CORIN: variants seen among roughly 807,000 people sequenced by gnomAD.
The protein encoded by CORIN is corin, serine peptidase, also known as atrial natriuretic peptide-converting enzyme.
CORIN carries 117 observed loss-of-function variants against 125.3 expected under a neutral mutation model. That is an observed-to-expected ratio of 0.93 (90% CI 0.80 to 1.09). The LOEUF (loss-of-function observed/expected upper bound fraction) is 1.09. Among genes scored for constraint, CORIN ranks in the 50% least tolerant of loss-of-function variants. The pLI, the probability that CORIN is intolerant of heterozygous loss-of-function variation, is 0.00. For synonymous variants in CORIN, 450 were observed against 466.4 expected, an observed-to-expected ratio of 0.96 and a Z score of 0.45; for missense variants, 1,253 against 1,306.7, an observed-to-expected ratio of 0.96 and a Z score of 0.63.
At chr4:47,793,427 T>G (rs1208185720) in intron 2 of CORIN, among the ~76,000 whole-genome samples, 5 of 152,200 alleles carry the variant, frequency 3.3e-5, no homozygotes, top group Admixed American at 3.3e-4. Context: ...AATGGACAGT[T>G]AAAGAAAGGT....
At chr4:47,642,118 C>T (rs542026992) in intron 15 of CORIN, 69 bp from the exon 16 acceptor site, 1 of 1,506,556 alleles carries the variant, frequency 6.6e-7, no homozygotes, top group African/African-American at 1.4e-5. Context: ...CATAACTTTA[C>T]ATGCCTCTGC....
intron 12 of CORIN, among the ~76,000 whole-genome samples, chr4:47,661,181 G>A (rs181307419): frequency 6.6e-5 from 10 of 152,274 alleles, no homozygotes; most frequent in Non-Finnish European, 8.8e-5. Flanking sequence ...CAGTGTCTGC[G>A]AAGGGTAGTG....
chr4:47,793,502 A>G (rs1330611962), intron 2 of CORIN, among the ~76,000 whole-genome samples: 1 of 152,176 alleles, frequency 6.6e-6, no homozygotes, highest in African/African-American at 2.4e-5. Flanking sequence ...TGACAATATG[A>G]AGGCATAGTT....
chr4:47,769,029 C>T (rs147226766), intron 3 of CORIN, among the ~76,000 whole-genome samples: 6 of 152,184 alleles, frequency 3.9e-5, no homozygotes, highest in African/African-American at 9.6e-5. Context: ...AGAAGTTAAA[C>T]GGTCTCTGTT....
In CORIN at chr4:47,603,523, C is replaced by T. The variant is rs542142640; in HGVS notation, c.2686G>A (p.Val896Ile). The T allele has an allele frequency of 1.4e-5, 22 of 1,614,056 alleles. No homozygotes were observed. Among genetic ancestry groups the T allele is most frequent in the Admixed American group, 8.3e-5 (5 of 60,006 alleles). Residue 896 changes from valine (V) to isoleucine (I), a missense_variant, in exon 20 of 22, where the codon GTT becomes ATT. Coordinates refer to ENST00000273857, the MANE Select transcript of CORIN (RefSeq NM_006587.4). ...TCACTGATGTCTTCACTCAGCTCAA[C>T]GATGCTGATGTCATAGTCCACCACT... ...RAVVDYDISI[V>I]ELSEDISETG...
rs772437145 is a variant in CORIN, at chr4:47,837,897, G to C, written c.53C>G (p.Ser18Cys). The change falls in exon 1 of 22, where the codon TCC becomes TGC. Residue 18 changes from serine (S) to cysteine (C), a missense_variant. By Grantham distance (112) the Ser-to-Cys change is moderately radical. Coordinates refer to ENST00000273857, the MANE Select transcript of CORIN (RefSeq NM_006587.4). ...APEERCRRAG[S>C]PKPVLRADDN... ...AATCATCGATCTTACCGGCTTTGGGGACCCGGCTCTGCGGCAGCGCTCTTC... is the reference window on the plus strand; with the variant it reads ...AATCATCGATCTTACCGGCTTTGGGCACCCGGCTCTGCGGCAGCGCTCTTC... The C allele has an allele frequency of 2.0e-5, 33 of 1,613,566 alleles. No individual in the cohort carries two copies. Among genetic ancestry groups the C allele is most frequent in the Non-Finnish European group, 2.6e-5 (31 of 1,179,930 alleles).
intron 9 of CORIN, 64 bp from the exon 10 acceptor site, chr4:47,674,564 A>G: frequency 1.0e-6 from 1 of 958,844 alleles, no homozygotes; most frequent in Non-Finnish European, 1.7e-6. Flanking sequence ...TAAGGATCTA[A>G]AAGATCAGGA....
At chr4:47,658,916 G>T (rs1165043149) in intron 12 of CORIN, among the ~76,000 whole-genome samples, 2 of 152,054 alleles carry the variant, frequency 1.3e-5, no homozygotes, top group African/African-American at 2.4e-5. Context: ...TTATTTCTTT[G>T]CTCCTGTATC....
intron 3 of CORIN, among the ~76,000 whole-genome samples, chr4:47,769,497 T>C (rs1729921021): frequency 6.6e-6 from 1 of 151,906 alleles, no homozygotes; most frequent in South Asian, 2.1e-4. Context: ...ATAATTCTAA[T>C]AACATTTTTC....
chr4:47,788,528 G>T (rs970113472), intron 2 of CORIN, among the ~76,000 whole-genome samples: 1 of 152,138 alleles, frequency 6.6e-6, no homozygotes, highest in Non-Finnish European at 1.5e-5. Flanking sequence ...TCATTTAATT[G>T]TTATTGATTT....
chr4:47,654,380 C>T (rs957743931), intron 12 of CORIN, among the ~76,000 whole-genome samples: 1 of 152,196 alleles, frequency 6.6e-6, no homozygotes, highest in East Asian at 1.9e-4. Context: ...TATAAGCAAT[C>T]ATAGTACCTG....
chr4:47,821,234 CA>C (rs549766726), intron 1 of CORIN, among the ~76,000 whole-genome samples: 4 of 141,702 alleles, frequency 2.8e-5, no homozygotes, highest in Non-Finnish European at 3.1e-5. Context: ...GACCCCATCT[CA>C]AAAAAAAAAC....
intron 1 of CORIN, among the ~76,000 whole-genome samples, chr4:47,830,250 G>A (rs1219082177): frequency 3.3e-5 from 5 of 151,884 alleles, no homozygotes; most frequent in African/African-American, 1.2e-4. Flanking sequence ...TTCAGAGCTG[G>A]AACAGGCTCA....
At chr4:47,678,976 T>C (rs1424109488) in intron 8 of CORIN, among the ~76,000 whole-genome samples, 1 of 152,268 alleles carries the variant, frequency 6.6e-6, no homozygotes, top group Non-Finnish European at 1.5e-5. Flanking sequence ...ACTTTTTATA[T>C]GACTTTTCTT....
intron 6 of CORIN, among the ~76,000 whole-genome samples, chr4:47,686,975 C>T (rs932206643): frequency 1.3e-5 from 2 of 152,150 alleles, no homozygotes; most frequent in African/African-American, 4.8e-5. Flanking sequence ...GTAATTCATA[C>T]TAAAACACTG....
intron 2 of CORIN, among the ~76,000 whole-genome samples, chr4:47,791,431 A>G (rs1024880080): frequency 1.3e-5 from 2 of 152,210 alleles, no homozygotes; most frequent in Non-Finnish European, 2.9e-5. Flanking sequence ...AATTTGTACT[A>G]TCTTTTTAAG....
intron 3 of CORIN, among the ~76,000 whole-genome samples, chr4:47,785,399 G>T (rs1048583359): frequency 6.6e-6 from 1 of 152,010 alleles, no homozygotes; most frequent in Non-Finnish European, 1.5e-5. Flanking sequence ...AACTCACCAC[G>T]CCCCATGTCC....
Position 47,834,938 on chromosome 4 carries a change from G to C in CORIN, c.63+2949C>G, listed in dbSNP as rs75941826. Among the ~76,000 whole-genome samples, 390 of 152,298 alleles carry C rather than the reference G, an allele frequency of 2.6e-3. 4 individuals carry two copies. The highest frequency in any genetic ancestry group is 9.0e-3 in the African/African-American group (374 of 41,554). ...GACCAAGGAAACTGAGGCCCAGCAA[G>C]ATTATTTGACTTGCCCAGAGCCTTG... is the stretch of plus-strand genomic sequence containing the variant. On this transcript the variant is annotated intron_variant, in intron 1 of 21. Transcript: ENST00000273857.
intron 2 of CORIN, among the ~76,000 whole-genome samples, chr4:47,790,854 T>A (rs1347275757): frequency 6.6e-6 from 1 of 152,132 alleles, no homozygotes; most frequent in Non-Finnish European, 1.5e-5. Context: ...AAATTATTAA[T>A]AGAAAGTCAC....
Sources: gnomAD v4.1 joint callset for allele counts (sites outside exome capture counted in the v4.1 genomes callset) on GRCh38, gnomAD v4.1.1 for gene constraint, MANE v1.5 for transcripts, NCBI Gene and HGNC (gene_info 2026-07-23, HGNC 2026-07-21) for gene names.